Variants in MAST4 observed in about 807,000 individuals in gnomAD.
The protein encoded by MAST4 is microtubule-associated serine/threonine-protein kinase 4.
In MAST4, 89 loss-of-function variants were observed where a neutral mutation model predicts 162.7. The ratio of observed to expected loss-of-function variants is 0.55; its 90% CI spans 0.46 to 0.65. MAST4 has a LOEUF of 0.65. Ranked by LOEUF, MAST4 falls within the 30% of genes least tolerant of loss-of-function variation. The pLI is 0.00. For missense variants in MAST4, 3,153 were observed against 3,374.0 expected (o/e 0.93, Z 1.62); for synonymous variants, 1,479 against 1,361.1 (o/e 1.09, Z -1.91).
chr5:67,157,318 T>C (rs1190537367), intron 26 of MAST4, among the ~76,000 whole-genome samples: 1 of 152,244 alleles, frequency 6.6e-6, no homozygotes, highest in Non-Finnish European at 1.5e-5. Context: ...TGCCTGTAAG[T>C]TAAATGAATT....
chr5:67,096,517 A>T (rs1437323841), intron 7 of MAST4, among the ~76,000 whole-genome samples: 2 of 152,136 alleles, frequency 1.3e-5, no homozygotes, highest in Admixed American at 1.3e-4. Context: ...GTTTAGGGAT[A>T]TCCATCTATT....
At chr5:66,897,468 AGGCTGC>A (rs1762758324) in intron 3 of MAST4, among the ~76,000 whole-genome samples, 1 of 152,238 alleles carries the variant, frequency 6.6e-6, no homozygotes, top group Non-Finnish European at 1.5e-5. Context: ...CTCCCCGCGC[AGGCTGC>A]AACCGCTTAG....
chr5:66,745,657 G>GT (rs1752711630), intron 1 of MAST4, among the ~76,000 whole-genome samples: 1 of 152,138 alleles, frequency 6.6e-6, no homozygotes, highest in Admixed American at 6.5e-5. Flanking sequence ...AATTTATTAG[G>GT]TGTTGGACCA....
intron 1 of MAST4, among the ~76,000 whole-genome samples, chr5:66,616,408 G>A (rs542352640): frequency 8.5e-5 from 13 of 152,270 alleles, no homozygotes; most frequent in East Asian, 7.7e-4. Flanking sequence ...GTTTCTAGAC[G>A]TCTGGCGTTC....
chr5:66,710,580 T>C (rs190069100), intron 1 of MAST4, among the ~76,000 whole-genome samples: 72 of 152,332 alleles, frequency 4.7e-4, no homozygotes, highest in African/African-American at 1.6e-3. Flanking sequence ...AATAATAGGC[T>C]GATTTTTTGG....
intron 1 of MAST4, among the ~76,000 whole-genome samples, chr5:66,676,420 C>G (rs1747951246): frequency 6.6e-6 from 1 of 151,802 alleles, no homozygotes; most frequent in South Asian, 2.1e-4. Flanking sequence ...ATGTTACTTT[C>G]ACAGGTCTTA....
chr5:66,605,400 G>A (rs569054112), intron 1 of MAST4, among the ~76,000 whole-genome samples: 1 of 152,314 alleles, frequency 6.6e-6, no homozygotes, highest in South Asian at 2.1e-4. Flanking sequence ...ATGGCTCTTA[G>A]CAGACTGGTA....
chr5:66,938,038 A>G (rs1742952348), intron 4 of MAST4, among the ~76,000 whole-genome samples: 3 of 151,936 alleles, frequency 2.0e-5, no homozygotes, highest in Admixed American at 2.0e-4. Context: ...TAGCTGTTAT[A>G]TTTATATTAA....
At chr5:66,916,412 C>A (rs894947719) in intron 4 of MAST4, among the ~76,000 whole-genome samples, 8 of 152,196 alleles carry the variant, frequency 5.3e-5, no homozygotes, top group Non-Finnish European at 1.0e-4. Flanking sequence ...TGTTCATTTG[C>A]TACTGTTTTA....
At chr5:66,868,015 A>G (rs911591979) in intron 3 of MAST4, among the ~76,000 whole-genome samples, 1 of 152,232 alleles carries the variant, frequency 6.6e-6, no homozygotes, top group Non-Finnish European at 1.5e-5. Flanking sequence ...GTTGAGTGAC[A>G]TAATTTAATG....
rs1743614154 is a variant in MAST4, at chr5:66,615,535, C to A, written c.363+18517C>A. ...GAGTTTGATCTCAAGAGAAAAGTAGCCAGGCATGGTGGCTCACACTTGTAA... is the reference window on the plus strand; with the variant it reads ...GAGTTTGATCTCAAGAGAAAAGTAGACAGGCATGGTGGCTCACACTTGTAA... On this transcript the variant is annotated intron_variant, in intron 1 of 28. Coordinates refer to ENST00000403625, the MANE Select transcript of MAST4 (RefSeq NM_001164664.2). 2.0e-5 allele frequency among the ~76,000 whole-genome samples: 3 copies of A among 152,086 alleles called. No homozygotes were observed. The South Asian group carries it at 6.2e-4, about 32-fold the overall frequency.
At chr5:67,005,429 C>G (rs1751904578) in intron 4 of MAST4, among the ~76,000 whole-genome samples, 1 of 152,148 alleles carries the variant, frequency 6.6e-6, no homozygotes, top group South Asian at 2.1e-4. Context: ...TTTCATTCAC[C>G]CAGTCATTGA....
chr5:66,713,613 C>T (rs1220628973), intron 1 of MAST4, among the ~76,000 whole-genome samples: 1 of 152,200 alleles, frequency 6.6e-6, no homozygotes, highest in Non-Finnish European at 1.5e-5. Flanking sequence ...ATTGAATCAA[C>T]ATCTTTACTA....
intron 4 of MAST4, among the ~76,000 whole-genome samples, chr5:66,961,098 T>C (rs1745957328): frequency 6.6e-6 from 1 of 152,234 alleles, no homozygotes; most frequent in South Asian, 2.1e-4. Flanking sequence ...ACTTTGAACA[T>C]TTTGTTTACC....
chr5:66,837,104 T>C (rs933449676), intron 3 of MAST4, among the ~76,000 whole-genome samples: 2 of 149,656 alleles, frequency 1.3e-5, no homozygotes, highest in Non-Finnish European at 2.9e-5. Context: ...CATGAGCTTT[T>C]GAATGTTAAC....
At chr5:67,110,331 AC>A (rs1169122585) in intron 11 of MAST4, 132 bp downstream of exon 11, 1 of 655,852 alleles carries the variant, frequency 1.5e-6, no homozygotes, top group Non-Finnish European at 2.7e-6. Context: ...CAACTTGTGA[AC>A]GTTTATGATG....
chr5:67,064,195 T>G lies in MAST4; in HGVS notation c.763+9703T>G, dbSNP rs374948719. ...AAGCCAAAGCCTGGCTCTACAATGC[T>G]AACATTTTAAGGTCCTGAGAGGACA... On this transcript the variant is annotated intron_variant, in intron 5 of 28. Coordinates refer to ENST00000403625, the MANE Select transcript of MAST4 (RefSeq NM_001164664.2). Among the ~76,000 whole-genome samples, 43 of 152,200 alleles carry G rather than the reference T, an allele frequency of 2.8e-4. No individual in the cohort carries two copies. In the East Asian group the frequency reaches 7.2e-3, roughly 25 times the overall value.
intron 1 of MAST4, among the ~76,000 whole-genome samples, chr5:66,734,722 A>G (rs1035851006): frequency 1.3e-5 from 2 of 152,220 alleles, no homozygotes; most frequent in African/African-American, 4.8e-5. Flanking sequence ...AGTGCAACTG[A>G]GGAACTAAAT....
At chr5:66,809,936 A>G (rs1157298261) in intron 3 of MAST4, among the ~76,000 whole-genome samples, 4 of 152,166 alleles carry the variant, frequency 2.6e-5, no homozygotes, top group Non-Finnish European at 5.9e-5. Flanking sequence ...GGGTATACAC[A>G]GTTTGAGACT....
Sources: gnomAD v4.1 joint callset for allele counts (sites outside exome capture counted in the v4.1 genomes callset) on GRCh38, gnomAD v4.1.1 for gene constraint, MANE v1.5 for transcripts, NCBI Gene and HGNC (gene_info 2026-07-23, HGNC 2026-07-21) for gene names.